PRKAG2: variants seen among roughly 807,000 people sequenced by gnomAD.
The protein encoded by PRKAG2 is protein kinase AMP-activated non-catalytic subunit gamma 2.
PRKAG2 carries 26 observed loss-of-function variants against 69.6 expected under a neutral mutation model. That is an observed-to-expected ratio of 0.37 (90% CI 0.27 to 0.52). The LOEUF (loss-of-function observed/expected upper bound fraction) is 0.52, where lower values mean the gene tolerates loss of function less well. Ranked by LOEUF, PRKAG2 falls within the 20% of genes least tolerant of loss-of-function variation. PRKAG2 has a pLI of 0.90. For synonymous variants in PRKAG2, 293 were observed against 285.0 expected (o/e 1.03, Z -0.28); for missense variants, 557 against 740.0 (o/e 0.75, Z 2.87).
rs933020232 is a variant in PRKAG2 at position 151,777,782 on chromosome 7, TA to T, written c.466+3369del. Among the ~76,000 whole-genome samples the T allele has an allele frequency of 3.7e-4, 57 of 152,316 alleles. No homozygotes were observed. The highest frequency in any genetic ancestry group is 2.8e-4 in the Non-Finnish European group (19 of 68,020). On this transcript the variant is annotated intron_variant, in intron 3 of 15. Transcript: ENST00000287878. The surrounding 1 kb of genome is among the most constrained non-coding windows in gnomAD (Gnocchi z 4.3). ...AATTTGAAAGCAAGGATGATAATAG[TA>T]CCTCCCTGAAACCAACTGTTCCTTG...
At position 151,848,976 on chromosome 7, in the gene PRKAG2, G is replaced by A. The variant is rs182039233; in HGVS notation, c.114+27531C>T. ...AGGAGAGTTGGGGAGGCCAGCCACC[G>A]AGCCGTACGGGTTGGCTCAGGCAGG... is the stretch of plus-strand genomic sequence containing the variant. On this transcript the variant is annotated intron_variant, in intron 1 of 15. Coordinates refer to ENST00000287878, the MANE Select transcript of PRKAG2 (RefSeq NM_016203.4). 4.5e-4 allele frequency among the ~76,000 whole-genome samples: 69 copies of A among 152,320 alleles called. 1 individual carries two copies. Among genetic ancestry groups the A allele is most frequent in the Middle Eastern group, 6.8e-3 (2 of 294 alleles).
chr7:151,724,564 C>T (rs940346019), intron 3 of PRKAG2, among the ~76,000 whole-genome samples: 13 of 152,122 alleles, frequency 8.5e-5, no homozygotes, highest in African/African-American at 2.9e-4. Flanking sequence ...CTGGTGCTGG[C>T]TCACTTGTCT....
chr7:151,737,995 C>A (rs7781533), intron 3 of PRKAG2, among the ~76,000 whole-genome samples: 7,938 of 22,800 alleles, frequency 0.35, 1,858 homozygotes, highest in East Asian at 0.69. Flanking sequence ...TCCCACGGGG[C>A]CTCCATCCAC....
chr7:151,831,623 C>T (rs376909198), intron 1 of PRKAG2, among the ~76,000 whole-genome samples: 25 of 152,294 alleles, frequency 1.6e-4, no homozygotes, highest in Middle Eastern at 3.4e-3. Context: ...TAGGCAAACA[C>T]GTGCCCTTGT....
Position 151,781,527 on chromosome 7 carries a change from C to CG in PRKAG2, c.187-97dup. On this transcript the variant is annotated intron_variant, in intron 2 of 15. Transcript: ENST00000287878. The surrounding 1 kb of genome is among the most constrained non-coding windows in gnomAD (Gnocchi z 6.1). ...ACTTATCATTGTCCTCTCTCACATG[C>CG]GGGCCCCCCATAGTACCCTCCCAGA... 1 of 1,433,422 alleles carries CG rather than the reference C, an allele frequency of 7.0e-7. No homozygotes were observed. Among genetic ancestry groups the CG allele is most frequent in the Non-Finnish European group, 9.5e-7 (1 of 1,054,582 alleles). The allele number at this position is 1,433,422 out of a possible 1,614,324, so 88.8% of individuals were successfully genotyped here.
intron 3 of PRKAG2, among the ~76,000 whole-genome samples, chr7:151,769,914 T>C (rs1289012563): frequency 1.3e-5 from 2 of 152,072 alleles, no homozygotes; most frequent in Non-Finnish European, 2.9e-5. Flanking sequence ...TCAGTACCTT[T>C]TGAGAAATAA....
intron 4 of PRKAG2, among the ~76,000 whole-genome samples, chr7:151,672,387 G>A (rs879722015): frequency 1.3e-5 from 2 of 152,242 alleles, no homozygotes; most frequent in South Asian, 2.1e-4. Flanking sequence ...GAGCCACTGC[G>A]CCCAGCCACC....
intron 1 of PRKAG2, among the ~76,000 whole-genome samples, chr7:151,867,542 T>A (rs2080110271): frequency 6.6e-6 from 1 of 152,180 alleles, no homozygotes; most frequent in Non-Finnish European, 1.5e-5. Flanking sequence ...GCATAGTGGA[T>A]GAGGGCCGGT....
rs139738883 is a variant in PRKAG2, at chr7:151,777,482, T to C, written c.466+3670A>G. Among the ~76,000 whole-genome samples the C allele has an allele frequency of 8.5e-3, 1,299 of 152,304 alleles. 20 individuals are homozygous for C. The highest frequency in any genetic ancestry group is 0.03 in the African/African-American group (1,234 of 41,562). ...GTTGCCTCCCTGCGGCAGTGAGTCCTGCTCTCTTAGCTGGGTGCTTTAAAG... is the reference window on the plus strand; with the variant it reads ...GTTGCCTCCCTGCGGCAGTGAGTCCCGCTCTCTTAGCTGGGTGCTTTAAAG... On this transcript the variant is annotated intron_variant, in intron 3 of 15. Coordinates refer to ENST00000287878, the MANE Select transcript of PRKAG2 (RefSeq NM_016203.4). This position sits in a 1 kb window ranked among gnomAD's most constrained non-coding sequence, Gnocchi z 4.3.
At chr7:151,783,646 G>T (rs1431756198) in intron 2 of PRKAG2, among the ~76,000 whole-genome samples, 1 of 152,004 alleles carries the variant, frequency 6.6e-6, no homozygotes, top group Non-Finnish European at 1.5e-5. Context: ...TCAGGCAGGG[G>T]GTGGTGTCTC....
At chr7:151,631,952 G>A (rs1353787519) in intron 5 of PRKAG2, 117 bp downstream of exon 5, 7 of 1,031,832 alleles carry the variant, frequency 6.8e-6, no homozygotes, top group African/African-American at 3.5e-5. Context: ...GGCTTCCGCA[G>A]GACGCAGCTC....
chr7:151,793,188 C>G (rs920034094), intron 1 of PRKAG2, among the ~76,000 whole-genome samples: 2 of 152,158 alleles, frequency 1.3e-5, no homozygotes, highest in Non-Finnish European at 2.9e-5. Flanking sequence ...CTATCTTCAT[C>G]ATCAAAATAA....
chr7:151,631,031 G>A (rs927110024), intron 5 of PRKAG2, among the ~76,000 whole-genome samples: 5 of 152,190 alleles, frequency 3.3e-5, no homozygotes, highest in Non-Finnish European at 7.3e-5. Flanking sequence ...GGGTTAACAC[G>A]TCCATGCTGG....
intron 4 of PRKAG2, chr7:151,674,919 T>C (rs533048961): frequency 4.8e-4 from 86 of 177,584 alleles, no homozygotes; most frequent in African/African-American, 2.0e-3. Context: ...TCATTTTGTT[T>C]CTTTTTTTCT....
chr7:151,629,298 C>T (rs753571340), intron 5 of PRKAG2, among the ~76,000 whole-genome samples: 1 of 152,140 alleles, frequency 6.6e-6, no homozygotes, highest in Admixed American at 6.5e-5. Flanking sequence ...GCAGCAGGAG[C>T]GGCCCCTGTG....
At chr7:151,624,341 G>A (rs957446519) in intron 5 of PRKAG2, among the ~76,000 whole-genome samples, 4 of 151,840 alleles carry the variant, frequency 2.6e-5, no homozygotes, top group Admixed American at 1.3e-4. Context: ...TATAGAGAGA[G>A]GGTTTCGCCA....
intron 1 of PRKAG2, among the ~76,000 whole-genome samples, chr7:151,794,654 G>C (rs956547772): frequency 2.0e-5 from 3 of 152,246 alleles, no homozygotes; most frequent in Non-Finnish European, 2.9e-5. Flanking sequence ...CTCAACCAAG[G>C]CCTGAGATCG....
At chr7:151,645,380 TC>T (rs894202980) in intron 4 of PRKAG2, among the ~76,000 whole-genome samples, 1 of 152,158 alleles carries the variant, frequency 6.6e-6, no homozygotes, top group African/African-American at 2.4e-5. Context: ...TGGAAAGGGA[TC>T]CTTCCCCAGC....
At chr7:151,676,928 G>A (rs1306196734) in intron 3 of PRKAG2, among the ~76,000 whole-genome samples, 3 of 152,194 alleles carry the variant, frequency 2.0e-5, no homozygotes, top group African/African-American at 4.8e-5. Flanking sequence ...TGCAGCCAAG[G>A]CGCGATGGGG....
Sources: allele counts gnomAD v4.1 joint callset (sites outside exome capture counted in the v4.1 genomes callset), GRCh38; gene constraint gnomAD v4.1.1; non-coding constraint Gnocchi (gnomAD v3.1); transcripts MANE v1.5; gene names NCBI Gene and HGNC (gene_info 2026-07-23, HGNC 2026-07-21).